Variants in PCCA observed in about 807,000 individuals in gnomAD.
PCCA encodes propionyl-CoA carboxylase alpha chain, mitochondrial.
A neutral mutation model predicts 101.3 loss-of-function variants in PCCA; 74 were observed. The observed-to-expected ratio is 0.73, with a 90% CI of 0.61 to 0.89. The LOEUF is 0.89. Among genes scored for constraint, PCCA ranks in the 40% least tolerant of loss-of-function variants. PCCA has a pLI of 0.00. For synonymous variants in PCCA, 294 were observed against 313.6 expected (o/e 0.94, Z 0.66); for missense variants, 891 against 907.0 (o/e 0.98, Z 0.23).
In PCCA at chr13:100,348,727, CCTTT is replaced by C. The variant is rs139583993; in HGVS notation, c.1643+8528_1643+8531del. ...TCAGCTTTTACTTTCCGTTTTTTTTCCTTTCTTTCTTTCTTTCTTTCTTTCTTTC... is the reference window on the plus strand; with the variant it reads ...TCAGCTTTTACTTTCCGTTTTTTTTCCTTTCTTTCTTTCTTTCTTTCTTTC... On this transcript the variant is annotated intron_variant, in intron 18 of 23. Transcript: ENST00000376285. Among the ~76,000 whole-genome samples, 797 of 99,270 alleles carry C rather than the reference CCTTT, an allele frequency of 8.0e-3. 15 individuals carry two copies. Among genetic ancestry groups the C allele is most frequent in the African/African-American group, 0.022 (566 of 25,466 alleles). The allele number at this position is 99,270 out of a possible 152,430, so 65.1% of individuals were successfully genotyped here.
chr13:100,530,180 T>TTTCA lies in PCCA; in HGVS notation c.*15_*18dup. ...GAGCTGGAATGAAGGATTTATAACC[T>TTTCA]TTCAGTCATCACCCAATTTAATTAG... is the stretch of plus-strand genomic sequence containing the variant. On this transcript the variant is annotated 3_prime_UTR_variant, in exon 24 of 24. Coordinates refer to ENST00000376285, the MANE Select transcript of PCCA (RefSeq NM_000282.4). 3 of 1,601,424 alleles carry TTTCA rather than the reference T, an allele frequency of 1.9e-6. No homozygotes were observed. Among genetic ancestry groups the TTTCA allele is most frequent in the Non-Finnish European group, 2.6e-6 (3 of 1,168,420 alleles).
Position 100,184,334 on chromosome 13 carries a change from T to G in PCCA, c.469-24998T>G, listed in dbSNP as rs181871743. ...GGACAGTGTCTGGCTCATATATATT[T>G]GTTTAATGAACAAATGAATAAGAGA... On this transcript the variant is annotated intron_variant, in intron 6 of 23. Transcript: ENST00000376285. 1.4e-3 allele frequency among the ~76,000 whole-genome samples: 215 copies of G among 152,336 alleles called. 2 individuals carry two copies. The highest frequency in any genetic ancestry group is 3.4e-3 in the Middle Eastern group (1 of 294).
chr13:100,260,471 A>G lies in PCCA; in HGVS notation c.717-2258A>G, dbSNP rs1315185807. Among the ~76,000 whole-genome samples the G allele has an allele frequency of 2.0e-5, 3 of 149,298 alleles. No homozygotes were observed. The East Asian group carries it at 5.9e-4, about 29-fold the overall frequency. On this transcript the variant is annotated intron_variant, in intron 9 of 23. Transcript: ENST00000376285. The stretch of plus-strand genomic sequence containing the variant: ...GAGTGCAGTGGTGCGATCTCGGCTC[A>G]CTGCAACCTCTGCCTTTTGGGTTCA...
At chr13:100,484,206 T>C (rs2084181559) in intron 21 of PCCA, among the ~76,000 whole-genome samples, 1 of 152,308 alleles carries the variant, frequency 6.6e-6, no homozygotes, top group African/African-American at 2.4e-5. Flanking sequence ...CGGTCCTCTG[T>C]GGTCTCAGGT....
chr13:100,508,346 G>A (rs1225805872), intron 21 of PCCA, among the ~76,000 whole-genome samples: 1 of 151,978 alleles, frequency 6.6e-6, no homozygotes, highest in African/African-American at 2.4e-5. Flanking sequence ...TTTTTCCCTC[G>A]AAAAATGAGA....
intron 2 of PCCA, among the ~76,000 whole-genome samples, chr13:100,105,220 T>A (rs917118718): frequency 6.6e-6 from 1 of 152,188 alleles, no homozygotes; most frequent in Non-Finnish European, 1.5e-5. Flanking sequence ...AAGAGCCCAA[T>A]AACCTCATGT....
chr13:100,419,808 A>G (rs1002846892), intron 19 of PCCA, among the ~76,000 whole-genome samples: 6 of 152,244 alleles, frequency 3.9e-5, no homozygotes, highest in South Asian at 2.1e-4. Flanking sequence ...ACTTGGGCCT[A>G]TGGCTTCGAT....
At chr13:100,456,429 G>A (rs2081717335) in intron 21 of PCCA, among the ~76,000 whole-genome samples, 1 of 152,182 alleles carries the variant, frequency 6.6e-6, no homozygotes, top group African/African-American at 2.4e-5. Context: ...ACGAGAGATT[G>A]TAATAAATAA....
chr13:100,345,688 A>G (rs1028458096), intron 18 of PCCA, among the ~76,000 whole-genome samples: 4 of 152,232 alleles, frequency 2.6e-5, no homozygotes, highest in African/African-American at 7.2e-5. Context: ...ACAGCCTTCT[A>G]TTGAAAGAAG....
At chr13:100,386,519 C>G (rs1356544029) in intron 19 of PCCA, among the ~76,000 whole-genome samples, 1 of 152,146 alleles carries the variant, frequency 6.6e-6, no homozygotes, top group East Asian at 1.9e-4. Context: ...GTAGCTGGGA[C>G]TACAGATGCC....
At chr13:100,417,426 A>G (rs1216457598) in intron 19 of PCCA, among the ~76,000 whole-genome samples, 2 of 152,076 alleles carry the variant, frequency 1.3e-5, no homozygotes, top group Non-Finnish European at 2.9e-5. Context: ...CGGCACTTCC[A>G]TGTGTTTATT....
intron 21 of PCCA, among the ~76,000 whole-genome samples, chr13:100,506,886 C>T (rs911753690): frequency 2.6e-5 from 4 of 152,218 alleles, no homozygotes; most frequent in Non-Finnish European, 5.9e-5. Context: ...TTTCTGTAAG[C>T]TGATGCTGCC....
At chr13:100,345,726 G>A (rs891282909) in intron 18 of PCCA, among the ~76,000 whole-genome samples, 1 of 152,154 alleles carries the variant, frequency 6.6e-6, no homozygotes, top group Admixed American at 6.5e-5. Context: ...CATAGCTAGA[G>A]GGGAAAAGTC....
At chr13:100,434,801 G>A (rs151252094) in intron 20 of PCCA, among the ~76,000 whole-genome samples, 5 of 152,278 alleles carry the variant, frequency 3.3e-5, no homozygotes, top group Middle Eastern at 3.4e-3. Context: ...CTAAGAATTC[G>A]CATGAATAAG....
intron 21 of PCCA, among the ~76,000 whole-genome samples, chr13:100,488,237 GCATGCGCCAC>G (rs1317584166): frequency 6.6e-6 from 1 of 152,074 alleles, no homozygotes; most frequent in Non-Finnish European, 1.5e-5. Flanking sequence ...GGGATTACAG[GCATGCGCCAC>G]CATGCACGGC....
chr13:100,205,996 T>G (rs1402886527), intron 6 of PCCA, among the ~76,000 whole-genome samples: 1 of 152,188 alleles, frequency 6.6e-6, no homozygotes, highest in Non-Finnish European at 1.5e-5. Context: ...CTTACCTCTA[T>G]TATCTCCTCA....
In PCCA at chr13:100,449,319, C is replaced by T. The variant is rs1019911762; in HGVS notation, c.1899+14C>T. 157 of 1,456,114 alleles carry T rather than the reference C, an allele frequency of 1.1e-4. No homozygotes were observed. Among genetic ancestry groups the T allele is most frequent in the Non-Finnish European group, 3.3e-5 (35 of 1,061,764 alleles). 90.2% of individuals were successfully genotyped at this position (1,456,114 alleles called of 1,614,324 possible). ...CTTGGTACAGTGGTAAGTATGAAAT[C>T]ATTCTTTATTCTCTTAATTTACAGA... On this transcript the variant is annotated intron_variant, in intron 21 of 23. Coordinates refer to ENST00000376285, the MANE Select transcript of PCCA (RefSeq NM_000282.4).
chr13:100,257,805 T>A, intron 9 of PCCA, 132 bp downstream of exon 9: 1 of 701,290 alleles, frequency 1.4e-6, no homozygotes, highest in Non-Finnish European at 2.6e-6. Flanking sequence ...CACTTTTGAA[T>A]GGGAAAAAGA....
intron 18 of PCCA, among the ~76,000 whole-genome samples, chr13:100,346,929 A>G (rs987911263): frequency 1.3e-5 from 2 of 151,950 alleles, no homozygotes; most frequent in Non-Finnish European, 2.9e-5. Context: ...GCTGGAGGGC[A>G]GTGGTGTGAT....
Sources: gnomAD v4.1 joint callset for allele counts (sites outside exome capture counted in the v4.1 genomes callset) on GRCh38, gnomAD v4.1.1 for gene constraint, MANE v1.5 for transcripts, NCBI Gene and HGNC (gene_info 2026-07-23, HGNC 2026-07-21) for gene names.